Variants in CACUL1 observed in about 807,000 individuals in gnomAD.
CACUL1 encodes CDK2 associated cullin domain 1.
A neutral mutation model predicts 45.2 loss-of-function variants in CACUL1; 13 were observed. The observed-to-expected ratio is 0.29, with a 90% CI of 0.19 to 0.46. CACUL1 has a LOEUF of 0.46. Ranked by LOEUF, CACUL1 falls within the 20% of genes least tolerant of loss-of-function variation. The pLI is 1.00. For synonymous variants in CACUL1, 197 were observed against 174.2 expected (o/e 1.13, Z -1.03); for missense variants, 421 against 471.4 (o/e 0.89, Z 0.99).
chr10:118,744,528 T>G (rs1845823556), intron 1 of CACUL1, among the ~76,000 whole-genome samples: 2 of 152,172 alleles, frequency 1.3e-5, no homozygotes, highest in Admixed American at 1.3e-4. Flanking sequence ...GAATGTTATT[T>G]TGGGTTGATG....
At position 118,680,020 on chromosome 10, in the gene CACUL1, G is replaced by A. The variant is rs1221492126; in HGVS notation, c.*6108C>T. 1 of 151,798 alleles carries A rather than the reference G, an allele frequency of 6.6e-6. No homozygotes were observed. The highest frequency in any genetic ancestry group is 1.5e-5 in the Non-Finnish European group (1 of 67,950). 9.4% of individuals were successfully genotyped at this position (151,798 alleles called of 1,614,324 possible). ...AAGTTTTGAATTGTTATGCCCTTCT[G>A]GCTTAACAATTTAGGGAGGGAGAGG... On this transcript the variant is annotated 3_prime_UTR_variant, in exon 9 of 9. Coordinates refer to ENST00000369151, the MANE Select transcript of CACUL1 (RefSeq NM_153810.5).
chr10:118,753,319 G>A (rs1164079784), intron 1 of CACUL1, among the ~76,000 whole-genome samples: 1 of 152,258 alleles, frequency 6.6e-6, no homozygotes, highest in African/African-American at 2.4e-5. Flanking sequence ...CACACAGTGT[G>A]TAAGATTCCG....
At chr10:118,691,208 A>G in intron 7 of CACUL1, 57 bp downstream of exon 7, 2 of 1,497,582 alleles carry the variant, frequency 1.3e-6, no homozygotes, top group Non-Finnish European at 1.8e-6. Context: ...ATGTCAAGCC[A>G]GACTGGCCTA....
intron 3 of CACUL1, among the ~76,000 whole-genome samples, chr10:118,722,797 C>A (rs908195164): frequency 4.6e-5 from 7 of 152,186 alleles, no homozygotes; most frequent in African/African-American, 1.7e-4. Context: ...AAAAACAGGT[C>A]AGGGCAGAAG....
chr10:118,729,201 A>T (rs775529856), intron 3 of CACUL1, 94 bp downstream of exon 3: 5 of 758,786 alleles, frequency 6.6e-6, no homozygotes, highest in Non-Finnish European at 1.1e-5. Context: ...TATCATAATC[A>T]AATTAACAAG....
At chr10:118,738,398 C>T (rs554210443) in intron 1 of CACUL1, among the ~76,000 whole-genome samples, 71 of 152,184 alleles carry the variant, frequency 4.7e-4, no homozygotes, top group Non-Finnish European at 5.9e-5. Context: ...GTAAGAAATG[C>T]TCAAACATCT....
chr10:118,690,525 A>G (rs975861281), intron 7 of CACUL1, among the ~76,000 whole-genome samples: 1 of 152,162 alleles, frequency 6.6e-6, no homozygotes, highest in Non-Finnish European at 1.5e-5. Context: ...AAAACCAAGA[A>G]AGGTAAATAA....
chr10:118,736,804 A>AT (rs568718576), intron 1 of CACUL1, among the ~76,000 whole-genome samples: 4 of 151,758 alleles, frequency 2.6e-5, no homozygotes, highest in Admixed American at 6.6e-5. Flanking sequence ...CACGCATACC[A>AT]TTTTTTTTAT....
At position 118,680,785 on chromosome 10, in the gene CACUL1, C is replaced by G. The variant is rs1845145676; in HGVS notation, c.*5343G>C. 6.6e-6 allele frequency: 1 copy of G among 152,090 alleles called. No individual in the cohort carries two copies. Among genetic ancestry groups the G allele is most frequent in the Non-Finnish European group, 1.5e-5 (1 of 68,020 alleles). 9.4% of individuals were successfully genotyped at this position (152,090 alleles called of 1,614,324 possible). A position where few individuals can be genotyped will look rare whatever the true frequency, so the allele number is the denominator to read the frequency against. On this transcript the variant is annotated 3_prime_UTR_variant, in exon 9 of 9. Coordinates refer to ENST00000369151, the MANE Select transcript of CACUL1 (RefSeq NM_153810.5). ...ACACACTGTTTTTTAGCACTGGTTGCAGAAGTCAAGATCAACACTCACCCT... is the reference window on the plus strand; with the variant it reads ...ACACACTGTTTTTTAGCACTGGTTGGAGAAGTCAAGATCAACACTCACCCT...
chr10:118,743,892 C>A (rs1845815965), intron 1 of CACUL1, among the ~76,000 whole-genome samples: 1 of 151,732 alleles, frequency 6.6e-6, no homozygotes. Flanking sequence ...AAAAGCTGAA[C>A]AAATTGAAGG....
chr10:118,754,602 C>T lies in CACUL1; in HGVS notation c.161G>A (p.Gly54Glu). The change falls in exon 1 of 9, where the codon GGG becomes GAG. Residue 54 changes from glycine (G) to glutamate (E), a missense_variant. Physicochemically the swap from Gly to Glu is moderately conservative, Grantham distance 98. This residue lies in a region of CACUL1 where 213 missense variants were observed against 173.1 expected (regional missense o/e 1.23). Transcript: ENST00000369151. ...SIPAPAREPP[G>E]GQLLAVPAVS... ...CGCGGGCACCGCCAGCAGCTGCCCC[C>T]CCGGAGGCTCTCGGGCAGGGGCCGG... 6.2e-7 allele frequency: 1 copy of T among 1,608,844 alleles called. No homozygotes were observed.
intron 3 of CACUL1, among the ~76,000 whole-genome samples, chr10:118,721,546 T>C (rs1176471964): frequency 1.3e-5 from 2 of 152,174 alleles, no homozygotes; most frequent in African/African-American, 4.8e-5. Context: ...TCAGCCTTAT[T>C]TGAGATAAAA....
rs370753020 is a variant in CACUL1 at position 118,707,570 on chromosome 10, G to C, written c.615C>G (p.Leu205=). Residue 205 remains leucine, a synonymous_variant, in exon 4 of 9, where the codon CTC becomes CTG. Coordinates refer to ENST00000369151, the MANE Select transcript of CACUL1 (RefSeq NM_153810.5). ...SKELQASPPD[L]YIERFNIALG... ...GAGCTATATTAAATCTTTCAATATA[G>C]AGATCTGGAGGGCTGGCCTGTGAGA... The C allele has an allele frequency of 5.8e-6, 9 of 1,554,602 alleles. No homozygotes were observed. In the African/African-American group the frequency reaches 1.2e-4, roughly 21 times the overall value.
chr10:118,700,716 C>CAAAAAAAAAAA lies in CACUL1; in HGVS notation c.796+579_796+589dup, dbSNP rs59032746. 7.8e-4 allele frequency among the ~76,000 whole-genome samples: 104 copies of CAAAAAAAAAAA among 132,894 alleles called. 3 individuals carry two copies. Among genetic ancestry groups the CAAAAAAAAAAA allele is most frequent in the African/African-American group, 2.8e-3 (88 of 31,732 alleles). The allele number at this position is 132,894 out of a possible 152,430, so 87.2% of individuals were successfully genotyped here. On this transcript the variant is annotated intron_variant, in intron 5 of 8. Transcript: ENST00000369151. ...TAGGCGACAGAGCGAGACTCCGTCT[C>CAAAAAAAAAAA]AAAAAAAAAAAAAAAAAAAGAATGG...
At chr10:118,721,687 G>A (rs1845602183) in intron 3 of CACUL1, among the ~76,000 whole-genome samples, 1 of 152,038 alleles carries the variant, frequency 6.6e-6, no homozygotes, top group South Asian at 2.1e-4. Flanking sequence ...AAATCTCTGT[G>A]TCAACACTGT....
intron 3 of CACUL1, among the ~76,000 whole-genome samples, chr10:118,712,358 G>A (rs1265742745): frequency 6.6e-6 from 1 of 152,252 alleles, no homozygotes; most frequent in Non-Finnish European, 1.5e-5. Context: ...CCCAAAGAGG[G>A]AGTCACAGCC....
intron 5 of CACUL1, among the ~76,000 whole-genome samples, chr10:118,696,933 A>G (rs748656030): frequency 6.6e-5 from 10 of 152,234 alleles, no homozygotes; most frequent in Non-Finnish European, 1.5e-4. Flanking sequence ...GTGGTCAAGT[A>G]TATACATTTG....
At chr10:118,722,433 C>T (rs543980605) in intron 3 of CACUL1, among the ~76,000 whole-genome samples, 4 of 152,132 alleles carry the variant, frequency 2.6e-5, no homozygotes, top group East Asian at 1.9e-4. Flanking sequence ...AGTAACGTGA[C>T]GAAACCATAA....
rs988892218 is a variant in CACUL1, at chr10:118,681,985, C to A, written c.*4143G>T. 2 of 152,192 alleles carry A rather than the reference C, an allele frequency of 1.3e-5. No individual in the cohort carries two copies. Among genetic ancestry groups the A allele is most frequent in the Non-Finnish European group, 2.9e-5 (2 of 68,038 alleles). The allele number at this position is 152,192 out of a possible 1,614,324, so 9.4% of individuals were successfully genotyped here. A position where few individuals can be genotyped will look rare whatever the true frequency, so the allele number is the denominator to read the frequency against. On this transcript the variant is annotated 3_prime_UTR_variant, in exon 9 of 9. Coordinates refer to ENST00000369151, the MANE Select transcript of CACUL1 (RefSeq NM_153810.5). Reference sequence around the variant, plus strand: ...GCCATTTCTCCAGGAACTCCTATGACCTCCATTTTAACTTCTGACAAAGTT... The same window carrying A: ...GCCATTTCTCCAGGAACTCCTATGAACTCCATTTTAACTTCTGACAAAGTT...
Sources: allele counts gnomAD v4.1 joint callset (sites outside exome capture counted in the v4.1 genomes callset), GRCh38; gene constraint gnomAD v4.1.1; regional missense constraint gnomAD v4.1.1; transcripts MANE v1.5; gene names NCBI Gene and HGNC (gene_info 2026-07-23, HGNC 2026-07-21).